FRMD4A: variants seen among roughly 807,000 people sequenced by gnomAD.
FRMD4A encodes FERM domain-containing protein 4A.
FRMD4A carries 29 observed loss-of-function variants against 129.1 expected under a neutral mutation model. That is an observed-to-expected ratio of 0.22 (90% CI 0.17 to 0.31). The LOEUF (loss-of-function observed/expected upper bound fraction) is 0.31. Among genes scored for constraint, FRMD4A ranks in the 10% least tolerant of loss-of-function variants. The probability of loss-of-function intolerance (pLI) is 1.00; values close to 1 mark genes in which losing one functional copy is unlikely to be tolerated. For missense variants in FRMD4A, 1,272 were observed against 1,375.8 expected, an observed-to-expected ratio of 0.92 and a Z score of 1.19; for synonymous variants, 634 against 571.6, an observed-to-expected ratio of 1.11 and a Z score of -1.56.
chr10:14,217,736 T>C (rs1009911467), intron 2 of FRMD4A, among the ~76,000 whole-genome samples: 2 of 152,110 alleles, frequency 1.3e-5, no homozygotes, highest in Admixed American at 6.5e-5. Context: ...TGTCCACTTA[T>C]AGAGAAGGCC....
chr10:14,281,684 A>C (rs1845524758), intron 2 of FRMD4A, among the ~76,000 whole-genome samples: 1 of 152,162 alleles, frequency 6.6e-6, no homozygotes, highest in Non-Finnish European at 1.5e-5. Context: ...CAACTCCAGA[A>C]CCTTTTACTC....
intron 2 of FRMD4A, among the ~76,000 whole-genome samples, chr10:14,094,931 A>G (rs1215602127): frequency 3.3e-5 from 5 of 152,042 alleles, no homozygotes; most frequent in Non-Finnish European, 2.9e-5. Context: ...GTGTGTGCCC[A>G]TGTGTATGTA....
intron 8 of FRMD4A, among the ~76,000 whole-genome samples, chr10:13,750,781 C>T (rs1271228471): frequency 6.6e-6 from 1 of 152,146 alleles, no homozygotes; most frequent in African/African-American, 2.4e-5. Context: ...GACAGCAGGA[C>T]AGCACCTGGT....
intron 2 of FRMD4A, among the ~76,000 whole-genome samples, chr10:14,203,940 C>G (rs936556877): frequency 2.0e-5 from 3 of 152,240 alleles, no homozygotes; most frequent in African/African-American, 7.2e-5. Flanking sequence ...GTTTGACCCA[C>G]AGTTCCCAAC....
intron 16 of FRMD4A, among the ~76,000 whole-genome samples, chr10:13,671,879 G>A (rs1482046565): frequency 1.3e-5 from 2 of 152,282 alleles, no homozygotes; most frequent in African/African-American, 2.4e-5. Flanking sequence ...CGCAGATGCT[G>A]CACAAAGACT....
intron 5 of FRMD4A, among the ~76,000 whole-genome samples, chr10:13,786,981 C>T (rs1474436908): frequency 2.6e-5 from 4 of 152,158 alleles, no homozygotes; most frequent in East Asian, 1.9e-4. Flanking sequence ...GAAAATATAA[C>T]GCTTCCCTTT....
chr10:14,069,682 T>C lies in FRMD4A; in HGVS notation c.46-210770A>G, dbSNP rs1835224940. 2.0e-5 allele frequency among the ~76,000 whole-genome samples: 3 copies of C among 152,248 alleles called. No individual in the cohort carries two copies. The South Asian group carries it at 6.2e-4, about 32-fold the overall frequency. Reference sequence around the variant, plus strand: ...CTGGTTAATTTACTATTATATGATTTACTATTTACTTAATAATATGATTTA... The same window carrying C: ...CTGGTTAATTTACTATTATATGATTCACTATTTACTTAATAATATGATTTA... On this transcript the variant is annotated intron_variant, in intron 2 of 24. Transcript: ENST00000357447.
chr10:14,206,615 C>A (rs552365037), intron 2 of FRMD4A, among the ~76,000 whole-genome samples: 2 of 151,620 alleles, frequency 1.3e-5, no homozygotes, highest in Non-Finnish European at 2.9e-5. Context: ...CTGGGCAACA[C>A]GGCGAAACCC....
At chr10:14,095,443 T>C (rs1336860662) in intron 2 of FRMD4A, among the ~76,000 whole-genome samples, 1 of 152,204 alleles carries the variant, frequency 6.6e-6, no homozygotes, top group East Asian at 1.9e-4. Flanking sequence ...TTATTGTAAT[T>C]TACAGTTGTC....
At chr10:14,170,807 T>A (rs1841434629) in intron 2 of FRMD4A, among the ~76,000 whole-genome samples, 1 of 44,064 alleles carries the variant, frequency 2.3e-5, no homozygotes, top group Non-Finnish European at 7.2e-5. Context: ...CTACCTCTCT[T>A]CCCTGGCCTC....
chr10:13,800,168 C>T (rs563131688), intron 4 of FRMD4A, among the ~76,000 whole-genome samples: 7 of 152,164 alleles, frequency 4.6e-5, no homozygotes, highest in Admixed American at 1.3e-4. Context: ...GGTGACAGAG[C>T]GAGACTCCAT....
At chr10:14,119,108 A>G (rs1230320632) in intron 2 of FRMD4A, among the ~76,000 whole-genome samples, 1 of 152,134 alleles carries the variant, frequency 6.6e-6, no homozygotes, top group Non-Finnish European at 1.5e-5. Flanking sequence ...CAAGGAACAC[A>G]AGAGTCACCT....
At chr10:14,083,261 T>A (rs1444697255) in intron 2 of FRMD4A, 3 of 152,248 alleles carry the variant, frequency 2.0e-5, no homozygotes, top group Non-Finnish European at 4.4e-5. Context: ...CACAGCTGCA[T>A]AATCTTCTCA....
intron 2 of FRMD4A, among the ~76,000 whole-genome samples, chr10:14,266,816 T>C (rs917267826): frequency 4.6e-5 from 7 of 152,200 alleles, no homozygotes; most frequent in Admixed American, 3.3e-4. Flanking sequence ...TACTACTTTC[T>C]GGGGAACACT....
chr10:14,238,016 T>G (rs1219612345), intron 2 of FRMD4A, among the ~76,000 whole-genome samples: 2 of 152,202 alleles, frequency 1.3e-5, no homozygotes, highest in Non-Finnish European at 2.9e-5. Flanking sequence ...CCTGCCTCTC[T>G]GCTCAGTGTC....
intron 2 of FRMD4A, among the ~76,000 whole-genome samples, chr10:14,255,822 A>C (rs1844592359): frequency 6.6e-6 from 1 of 152,170 alleles, no homozygotes; most frequent in Non-Finnish European, 1.5e-5. Flanking sequence ...CCTGACCAAC[A>C]TGGTGAAATC....
intron 12 of FRMD4A, among the ~76,000 whole-genome samples, chr10:13,734,152 T>C (rs1444427897): frequency 6.6e-6 from 1 of 152,154 alleles, no homozygotes; most frequent in Non-Finnish European, 1.5e-5. Flanking sequence ...CCTTCTCTCA[T>C]GGCCTCCCTC....
intron 3 of FRMD4A, among the ~76,000 whole-genome samples, chr10:13,822,202 C>T (rs563693747): frequency 1.3e-5 from 2 of 152,158 alleles, no homozygotes; most frequent in Admixed American, 1.3e-4. Context: ...ATCATACTTA[C>T]GATTTTTGTA....
chr10:13,690,889 G>T (rs2085622310), intron 15 of FRMD4A, among the ~76,000 whole-genome samples: 1 of 152,204 alleles, frequency 6.6e-6, no homozygotes, highest in Admixed American at 6.5e-5. Context: ...GTTTTCTTAG[G>T]ATTTCTCTTC....
Sources: allele counts gnomAD v4.1 joint callset (sites outside exome capture counted in the v4.1 genomes callset), GRCh38; gene constraint gnomAD v4.1.1; transcripts MANE v1.5; gene names NCBI Gene and HGNC (gene_info 2026-07-23, HGNC 2026-07-21).